Variants in MDFIC observed in about 807,000 individuals in gnomAD.
MDFIC encodes myoD family inhibitor domain-containing protein.
A neutral mutation model predicts 23.2 loss-of-function variants in MDFIC; 17 were observed. The ratio of observed to expected loss-of-function variants is 0.73; its 90% CI spans 0.50 to 1.10. The LOEUF (loss-of-function observed/expected upper bound fraction) is 1.10, where lower values mean the gene tolerates loss of function less well. Among genes scored for constraint, MDFIC ranks in the 50% least tolerant of loss-of-function variants. MDFIC has a pLI of 0.00. For missense variants in MDFIC, 356 were observed against 316.6 expected (o/e 1.12, Z -0.95); for synonymous variants, 120 against 115.2 (o/e 1.04, Z -0.27).
At chr7:114,977,585 C>G (rs970285449) in intron 3 of MDFIC, among the ~76,000 whole-genome samples, 1 of 152,182 alleles carries the variant, frequency 6.6e-6, no homozygotes, top group African/African-American at 2.4e-5. Context: ...TCCTTGTCCT[C>G]TAGCTCCAGA....
intron 4 of MDFIC, among the ~76,000 whole-genome samples, chr7:114,994,905 G>A (rs1052676345): frequency 2.6e-5 from 4 of 152,276 alleles, no homozygotes; most frequent in Admixed American, 1.3e-4. Flanking sequence ...GCCTTGCTAG[G>A]TTGGGGATGT....
chr7:114,924,270 T>A (rs991398559), intron 2 of MDFIC, among the ~76,000 whole-genome samples: 25 of 152,242 alleles, frequency 1.6e-4, no homozygotes, highest in African/African-American at 6.0e-4. Context: ...CCTTGTATTG[T>A]CAGCACAATC....
intron 1 of MDFIC, 59 bp from the exon 2 acceptor site, chr7:114,922,868 G>C (rs1792112840): frequency 6.6e-7 from 1 of 1,509,746 alleles, no homozygotes; most frequent in East Asian, 2.7e-5. Flanking sequence ...GTCCCGCAGG[G>C]GTGGTGTGCT....
chr7:115,007,862 A>AT (rs35353301), intron 4 of MDFIC, among the ~76,000 whole-genome samples: 50,556 of 110,878 alleles, frequency 0.46, 12,284 homozygotes, highest in Non-Finnish European at 0.52. Context: ...TACTCAGCTA[A>AT]TTTTTTTTTT....
At chr7:115,004,790 T>C (rs1464573803) in intron 4 of MDFIC, among the ~76,000 whole-genome samples, 8 of 152,320 alleles carry the variant, frequency 5.3e-5, no homozygotes, top group Non-Finnish European at 1.5e-5. Flanking sequence ...GCTAATTCCA[T>C]GTGCCTCTAA....
chr7:115,013,904 C>T (rs1429013147), intron 4 of MDFIC: 1 of 783,830 alleles, frequency 1.3e-6, no homozygotes, highest in Admixed American at 6.2e-5. Context: ...TTGGTTACTA[C>T]CAGAAATCAA....
chr7:115,002,496 TAC>T (rs1474214846), intron 4 of MDFIC, among the ~76,000 whole-genome samples: 1 of 152,180 alleles, frequency 6.6e-6, no homozygotes, highest in Non-Finnish European at 1.5e-5. Context: ...CTCTTCTAGG[TAC>T]AGTTTGGGGA....
intron 2 of MDFIC, among the ~76,000 whole-genome samples, chr7:114,930,443 C>T (rs1003601685): frequency 1.3e-5 from 2 of 152,054 alleles, no homozygotes; most frequent in Non-Finnish European, 2.9e-5. Context: ...AGACCTCTGG[C>T]GAGAAAAAAA....
intron 4 of MDFIC, among the ~76,000 whole-genome samples, chr7:114,983,405 A>G (rs749999004): frequency 6.6e-6 from 1 of 152,090 alleles, no homozygotes; most frequent in Non-Finnish European, 1.5e-5. Context: ...TCTAACCAGG[A>G]TAGCAAAAAC....
intron 4 of MDFIC, among the ~76,000 whole-genome samples, chr7:115,000,731 T>C (rs1791450488): frequency 6.6e-6 from 1 of 152,258 alleles, no homozygotes; most frequent in Non-Finnish European, 1.5e-5. Context: ...TTTTCATGTT[T>C]GCATTTTAAT....
Position 114,922,529 on chromosome 7 carries a change from C to G in MDFIC, c.-215C>G, listed in dbSNP as rs759648352. The G allele has an allele frequency of 1.6e-6, 2 of 1,264,936 alleles. No homozygotes were observed. The highest frequency in any genetic ancestry group is 6.1e-5 in the East Asian group (2 of 32,746). The allele number at this position is 1,264,936 out of a possible 1,614,324, so 78.4% of individuals were successfully genotyped here. A position where few individuals can be genotyped will look rare whatever the true frequency, so the allele number is the denominator to read the frequency against. ...GGGGCGGCCGCCGCCGTCGTCAGGCCACCGGGGCGAAAATGCGGCCGCTGC... is the reference window on the plus strand; with the variant it reads ...GGGGCGGCCGCCGCCGTCGTCAGGCGACCGGGGCGAAAATGCGGCCGCTGC... On this transcript the variant is annotated 5_prime_UTR_variant, in exon 1 of 5. Transcript: ENST00000393486.
intron 3 of MDFIC, among the ~76,000 whole-genome samples, chr7:114,975,877 CTAGAG>C (rs1793298845): frequency 6.6e-6 from 1 of 151,914 alleles, no homozygotes; most frequent in African/African-American, 2.4e-5. Context: ...GTTAAAAAAA[CTAGAG>C]TAAAGGGATA....
At chr7:114,970,591 C>A (rs1793187024) in intron 3 of MDFIC, among the ~76,000 whole-genome samples, 1 of 152,052 alleles carries the variant, frequency 6.6e-6, no homozygotes, top group South Asian at 2.1e-4. Context: ...GAGGCTTGAC[C>A]TGGGTTGCTG....
In MDFIC at chr7:115,016,644, CTAAATAAA is replaced by C. The variant is rs35602216; in HGVS notation, c.*746_*753del. The C allele has an allele frequency of 0.024, 3,389 of 142,420 alleles. 49 individuals are homozygous for C. Among genetic ancestry groups the C allele is most frequent in the African/African-American group, 0.033 (1,271 of 38,158 alleles). 8.8% of individuals were successfully genotyped at this position (142,420 alleles called of 1,614,324 possible). A position where few individuals can be genotyped will look rare whatever the true frequency, so the allele number is the denominator to read the frequency against. On this transcript the variant is annotated 3_prime_UTR_variant, in exon 5 of 5. Coordinates refer to ENST00000393486, the MANE Select transcript of MDFIC (RefSeq NM_001166345.3). ...TGGGCAACAGAGCGAGACTCCATCT[CTAAATAAA>C]TAAATAAATAAATAAATAAATAAAT...
intron 2 of MDFIC, among the ~76,000 whole-genome samples, chr7:114,926,296 G>T (rs1289494319): frequency 6.6e-6 from 1 of 152,164 alleles, no homozygotes; most frequent in Non-Finnish European, 1.5e-5. Context: ...GATGTCCAAA[G>T]AATTTAAGTG....
intron 3 of MDFIC, among the ~76,000 whole-genome samples, chr7:114,973,851 A>T (rs1793255957): frequency 6.6e-6 from 1 of 152,202 alleles, no homozygotes; most frequent in South Asian, 2.1e-4. Context: ...TTTGACTGGG[A>T]TCCTTAAATT....
At chr7:114,983,643 A>G (rs570501785) in intron 4 of MDFIC, among the ~76,000 whole-genome samples, 30 of 144,552 alleles carry the variant, frequency 2.1e-4, no homozygotes, top group Non-Finnish European at 3.6e-4. Flanking sequence ...TCTCGGCTCA[A>G]TGCAACCTCT....
intron 3 of MDFIC, among the ~76,000 whole-genome samples, chr7:114,972,125 G>T (rs752086879): frequency 3.3e-5 from 5 of 152,066 alleles, no homozygotes; most frequent in African/African-American, 7.2e-5. Context: ...GTCCTAATGT[G>T]GGGGAGGGAG....
chr7:114,995,364 A>C (rs970627799), intron 4 of MDFIC, among the ~76,000 whole-genome samples: 1 of 152,176 alleles, frequency 6.6e-6, no homozygotes, highest in Non-Finnish European at 1.5e-5. Context: ...GTCATTCTCC[A>C]TCCAGCTTTG....
Sources: allele counts gnomAD v4.1 joint callset (sites outside exome capture counted in the v4.1 genomes callset), GRCh38; gene constraint gnomAD v4.1.1; transcripts MANE v1.5; gene names NCBI Gene and HGNC (gene_info 2026-07-23, HGNC 2026-07-21).